COL4A3: variants seen among roughly 807,000 people sequenced by gnomAD.
COL4A3 encodes collagen type IV alpha 3 chain.
Under a neutral mutation model 217.4 loss-of-function variants are expected in COL4A3, and 135 were observed. That is an observed-to-expected ratio of 0.62 (90% confidence interval 0.54 to 0.72). The LOEUF (loss-of-function observed/expected upper bound fraction) is 0.72. Among genes scored for constraint, COL4A3 ranks in the 30% least tolerant of loss-of-function variants. The pLI is 0.00. For synonymous variants in COL4A3, 690 were observed against 736.3 expected (o/e 0.94, Z 1.02); for missense variants, 1,868 against 2,119.9 (o/e 0.88, Z 2.33).
chr2:227,190,521 G>A (rs1215209357), intron 1 of COL4A3, among the ~76,000 whole-genome samples: 2 of 152,038 alleles, frequency 1.3e-5, no homozygotes, highest in African/African-American at 2.4e-5. Flanking sequence ...TTATTATTTC[G>A]GATCAAAATA....
chr2:227,192,332 A>G (rs1574523174), intron 1 of COL4A3, among the ~76,000 whole-genome samples: 1 of 152,152 alleles, frequency 6.6e-6, no homozygotes, highest in South Asian at 2.1e-4. Context: ...TAATTTCTTC[A>G]TGTGCACATA....
intron 43 of COL4A3, among the ~76,000 whole-genome samples, chr2:227,300,890 G>A (rs966215288): frequency 2.0e-5 from 3 of 152,162 alleles, no homozygotes; most frequent in Non-Finnish European, 4.4e-5. Flanking sequence ...AGGAAAAGCC[G>A]GGGTATGGGT....
rs1443168817 is a variant in COL4A3 at position 227,261,079 on chromosome 2, C to T, written c.1115-3C>T. ...GCAATTAATTAATGTTATATATTCC[C>T]AGGTCCCAGTGGTCCCCCCGGAGTT... On this transcript the variant is annotated splice_region_variant and splice_polypyrimidine_tract_variant and intron_variant, in intron 19 of 51. Coordinates refer to ENST00000396578, the MANE Select transcript of COL4A3 (RefSeq NM_000091.5). 7 of 1,610,636 alleles carry T rather than the reference C, an allele frequency of 4.3e-6. No homozygotes were observed. The East Asian group carries it at 1.1e-4, about 26-fold the overall frequency.
At chr2:227,185,628 A>C (rs1007549214) in intron 1 of COL4A3, among the ~76,000 whole-genome samples, 1 of 152,206 alleles carries the variant, frequency 6.6e-6, no homozygotes, top group Non-Finnish European at 1.5e-5. Context: ...CCATGTAGCT[A>C]TTTGGTGTAA....
chr2:227,164,916 C>A lies in COL4A3; in HGVS notation c.87+103C>A. The A allele has an allele frequency of 7.5e-7, 1 of 1,328,896 alleles. No homozygotes were observed. The highest frequency in any genetic ancestry group is 9.8e-7 in the Non-Finnish European group (1 of 1,023,604). 82.3% of individuals were successfully genotyped at this position (1,328,896 alleles called of 1,614,324 possible). A position where few individuals can be genotyped will look rare whatever the true frequency, so the allele number is the denominator to read the frequency against. ...CCGCAGCGGCGCGGTAGTGGAGCGG[C>A]TGCCGGGCTAGTGGCGAGGCTGAGG... On this transcript the variant is annotated intron_variant, in intron 1 of 51. Transcript: ENST00000396578. This position sits in a 1 kb window ranked among gnomAD's most constrained non-coding sequence, Gnocchi z 4.8.
chr2:227,286,047 T>A (rs953463368), intron 34 of COL4A3, among the ~76,000 whole-genome samples: 1 of 152,244 alleles, frequency 6.6e-6, no homozygotes. Flanking sequence ...GGAGGCTGCG[T>A]GGCAGACTTA....
intron 1 of COL4A3, among the ~76,000 whole-genome samples, chr2:227,220,290 A>C (rs1443273670): frequency 6.9e-6 from 1 of 144,536 alleles, no homozygotes; most frequent in African/African-American, 2.6e-5. Flanking sequence ...TCACGTGATT[A>C]TCCTGCCTCA....
At chr2:227,232,853 A>T (rs927771709) in intron 1 of COL4A3, among the ~76,000 whole-genome samples, 2 of 152,250 alleles carry the variant, frequency 1.3e-5, no homozygotes, top group Non-Finnish European at 2.9e-5. Context: ...TGTAAAAATA[A>T]GGTTGAAAGA....
chr2:227,279,490 C>T, intron 28 of COL4A3: 2 of 369,330 alleles, frequency 5.4e-6, no homozygotes, highest in Non-Finnish European at 9.9e-6. Context: ...TACCTGTACA[C>T]TGTATGTAAA....
intron 1 of COL4A3, among the ~76,000 whole-genome samples, chr2:227,166,522 GA>G (rs2065285660): frequency 6.6e-6 from 1 of 152,206 alleles, no homozygotes; most frequent in South Asian, 2.1e-4. Flanking sequence ...AATGCTTGGG[GA>G]CCATGCAAAC....
chr2:227,222,163 AATG>A (rs66913072), intron 1 of COL4A3, among the ~76,000 whole-genome samples: 23,850 of 99,472 alleles, frequency 0.24, 2,632 homozygotes, highest in Non-Finnish European at 0.27. Context: ...TAATAATAAT[AATG>A]ATAATGATAA....
At position 227,273,113 on chromosome 2, in the gene COL4A3, A is replaced by C. The variant is rs752819997; in HGVS notation, c.1923A>C (p.Glu641Asp). Residue 641 changes from glutamate to aspartate, a missense_variant, in exon 26 of 52, where the codon GAA (glutamate) becomes GAC (aspartate). This residue lies in a region of COL4A3 where 1,503 missense variants were observed against 1,786.1 expected (regional missense o/e 0.84). Coordinates refer to ENST00000396578, the MANE Select transcript of COL4A3 (RefSeq NM_000091.5). The part of the protein sequence containing the change: ...GVPGAPGPPG[E>D]AGPRGELSVS... ...CTGGAGCCCCCGGACCACCCGGAGA[A>C]GCCGGTTGGTTAGTTTTCTTTCCAG... The C allele has an allele frequency of 3.1e-6, 5 of 1,613,386 alleles. No individual in the cohort carries two copies. In the East Asian group the frequency reaches 1.1e-4, roughly 36 times the overall value.
chr2:227,306,025 A>T (rs1369006019), intron 47 of COL4A3, among the ~76,000 whole-genome samples: 1 of 152,222 alleles, frequency 6.6e-6, no homozygotes, highest in African/African-American at 2.4e-5. Context: ...GCATAACTAC[A>T]TGTGATTTAA....
chr2:227,247,087 A>C (rs889157112), intron 7 of COL4A3, among the ~76,000 whole-genome samples: 17 of 152,166 alleles, frequency 1.1e-4, no homozygotes, highest in Non-Finnish European at 1.5e-5. Context: ...GATCAAGGAG[A>C]ATGATCCTGT....
intron 9 of COL4A3, among the ~76,000 whole-genome samples, chr2:227,249,212 G>GTGTATATATATATATATATATATATATA (rs1199261361): frequency 1.2e-4 from 4 of 33,232 alleles, no homozygotes; most frequent in East Asian, 1.6e-3. Flanking sequence ...AAATTAGCTA[G>GTGTATATATATATATATATATATATATA]TATATATATA....
intron 1 of COL4A3, among the ~76,000 whole-genome samples, chr2:227,168,009 C>T (rs1415388165): frequency 6.6e-6 from 1 of 152,044 alleles, no homozygotes; most frequent in Non-Finnish European, 1.5e-5. Context: ...TTTTATCACT[C>T]CATATTATGT....
At chr2:227,212,606 T>C (rs2067370215) in intron 1 of COL4A3, among the ~76,000 whole-genome samples, 2 of 152,214 alleles carry the variant, frequency 1.3e-5, no homozygotes, top group African/African-American at 2.4e-5. Context: ...TGCTGTTCCA[T>C]TGGTACATTT....
intron 43 of COL4A3, among the ~76,000 whole-genome samples, chr2:227,301,271 C>T (rs981063260): frequency 1.3e-5 from 2 of 152,168 alleles, no homozygotes; most frequent in African/African-American, 4.8e-5. Context: ...GCTACCATGG[C>T]ACATGGCACA....
chr2:227,258,384 G>C (rs1234605341), intron 18 of COL4A3, among the ~76,000 whole-genome samples: 1 of 152,186 alleles, frequency 6.6e-6, no homozygotes, highest in Non-Finnish European at 1.5e-5. Context: ...AATTGGAGTG[G>C]GGCCTGGAAA....
Sources: gnomAD v4.1 joint callset for allele counts (sites outside exome capture counted in the v4.1 genomes callset) on GRCh38, gnomAD v4.1.1 for gene constraint, gnomAD v4.1.1 regional missense constraint, Gnocchi (gnomAD v3.1) non-coding constraint, MANE v1.5 for transcripts, NCBI Gene and HGNC (gene_info 2026-07-23, HGNC 2026-07-21) for gene names.